The following CYP2W1 variants were observed in gnomAD, a reference collection of about 807,000 sequenced individuals.
CYP2W1 encodes cytochrome P450 family 2 subfamily W member 1.
In CYP2W1, 51 loss-of-function variants were observed where a neutral mutation model predicts 44.9. The observed-to-expected ratio is 1.14, with a 90% CI of 0.91 to 1.43. The LOEUF (loss-of-function observed/expected upper bound fraction) is 1.43, where lower values mean the gene tolerates loss of function less well. Among genes scored for constraint, CYP2W1 ranks in the 40% most tolerant of loss-of-function variants. CYP2W1 has a pLI of 0.00. For synonymous variants in CYP2W1, 383 were observed against 338.3 expected, an observed-to-expected ratio of 1.13 and a Z score of -1.45; for missense variants, 746 against 700.0, an observed-to-expected ratio of 1.07 and a Z score of -0.74.
rs764070881 is a variant in CYP2W1 at position 986,639 on chromosome 7, C to T, written c.661C>T (p.Pro221Ser). The part of the protein sequence containing the change: ...SPGLQLFNVY[P>S]WLGALLQLHR... Reference sequence around the variant, plus strand: ...TCCTGCCCAGCTGTTCAACGTCTACCCATGGCTCGGGGCCCTGCTCCAGCT... The same window carrying T: ...TCCTGCCCAGCTGTTCAACGTCTACTCATGGCTCGGGGCCCTGCTCCAGCT... The change falls in exon 5 of 9, where the codon CCA (proline) becomes TCA (serine). Residue 221 changes from proline (P) to serine (S), a missense_variant. Coordinates refer to ENST00000308919, the MANE Select transcript of CYP2W1 (RefSeq NM_017781.3). 12 of 1,612,720 alleles carry T rather than the reference C, an allele frequency of 7.4e-6. No homozygotes were observed. Among genetic ancestry groups the T allele is most frequent in the Non-Finnish European group, 1.0e-5 (12 of 1,179,888 alleles).
Position 987,170 on chromosome 7 carries a change from A to G in CYP2W1, c.883A>G (p.Met295Val). The G allele has an allele frequency of 6.4e-7, 1 of 1,570,402 alleles. No homozygotes were observed. Among genetic ancestry groups the G allele is most frequent in the Non-Finnish European group, 8.6e-7 (1 of 1,158,602 alleles). Residue 295 changes from methionine to valine, a missense_variant, in exon 6 of 9, where the codon ATG becomes GTG. Physicochemically the swap from Met to Val is conservative, Grantham distance 21. Coordinates refer to ENST00000308919, the MANE Select transcript of CYP2W1 (RefSeq NM_017781.3). ...NAVACTLDMV[M>V]AGTETTSATL... ...GGTGGCCTGCACCCTGGACATGGTC[A>G]TGGCCGGGACGGAGACGACCTCGGC... is the stretch of plus-strand genomic sequence containing the variant.
intron 7 of CYP2W1, among the ~76,000 whole-genome samples, chr7:987,857 CCT>C (rs1354017965): frequency 2.6e-5 from 4 of 151,490 alleles, no homozygotes; most frequent in Non-Finnish European, 5.9e-5. Context: ...GGGGGGGTCC[CCT>C]CTGTGTGTCC....
Position 987,119 on chromosome 7 carries a change from G to T in CYP2W1, c.832G>T (p.Glu278Ter), listed in dbSNP as rs547288712. 1.3e-6 allele frequency: 2 copies of T among 1,561,046 alleles called. No homozygotes were observed. The highest frequency in any genetic ancestry group is 1.2e-5 in the South Asian group (1 of 84,960). Residue 278 changes from glutamate (E) to a stop codon, truncating the protein, a stop_gained, in exon 6 of 9, where the codon GAG becomes TAG. Transcript: ENST00000308919. LOFTEE classifies it high-confidence loss of function. The stretch of plus-strand genomic sequence containing the variant: ...CACGCCTCTGCAGGGGGATGACCCC[G>T]AGGGCCTGTTTGCTGAGGCCAACGC... ...LIQQGQGDDPEGLFAEANAVA... is the reference protein window; with the variant it reads ...LIQQGQGDDP
In CYP2W1 at chr7:988,983, C is replaced by T; in HGVS notation, c.*161C>T. 1 of 581,704 alleles carries T rather than the reference C, an allele frequency of 1.7e-6. No homozygotes were observed. The highest frequency in any genetic ancestry group is 3.0e-6 in the Non-Finnish European group (1 of 328,924). 36.0% of individuals were successfully genotyped at this position (581,704 alleles called of 1,614,324 possible). A position where few individuals can be genotyped will look rare whatever the true frequency, so the allele number is the denominator to read the frequency against. On this transcript the variant is annotated 3_prime_UTR_variant, in exon 9 of 9. Coordinates refer to ENST00000308919, the MANE Select transcript of CYP2W1 (RefSeq NM_017781.3). ...CAGGGTCAGCAACTGCTTCCGGTTA[C>T]ACCCAGGACTACCCCTGCCCGACCC... is the stretch of plus-strand genomic sequence containing the variant.
chr7:983,454 A>C lies in CYP2W1; in HGVS notation c.174+69A>C, dbSNP rs1260961281. ...CCGTGTCCTGGCCCCCCTCCTGGGG[A>C]AGCCCAGCCCGGTTTCCACTGCCTG... is the stretch of plus-strand genomic sequence containing the variant. On this transcript the variant is annotated intron_variant, in intron 1 of 8. Coordinates refer to ENST00000308919, the MANE Select transcript of CYP2W1 (RefSeq NM_017781.3). 26 of 1,350,508 alleles carry C rather than the reference A, an allele frequency of 1.9e-5. No individual in the cohort carries two copies. In the East Asian group the frequency reaches 4.1e-4, roughly 21 times the overall value. The allele number at this position is 1,350,508 out of a possible 1,614,324, so 83.7% of individuals were successfully genotyped here. A position where few individuals can be genotyped will look rare whatever the true frequency, so the allele number is the denominator to read the frequency against.
In CYP2W1 at chr7:987,535, G is replaced by A. The variant is rs566362502; in HGVS notation, c.1143+4G>A. 2.1e-4 allele frequency: 324 copies of A among 1,515,878 alleles called. No individual in the cohort carries two copies. Among genetic ancestry groups the A allele is most frequent in the Middle Eastern group, 2.0e-3 (11 of 5,616 alleles). The allele number at this position is 1,515,878 out of a possible 1,614,324, so 93.9% of individuals were successfully genotyped here. On this transcript the variant is annotated splice_donor_region_variant and intron_variant, in intron 7 of 8. Transcript: ENST00000308919. ...GGGCGGCTTCCTGCTCCCCAAGGTG[G>A]GGCTGGGCCTCCCTTGCCCCTTCCA...
In CYP2W1 at chr7:985,142, G is replaced by A. The variant is rs373490748; in HGVS notation, c.488-24G>A. The A allele has an allele frequency of 2.4e-5, 38 of 1,600,444 alleles. No individual in the cohort carries two copies. In the African/African-American group the frequency reaches 3.7e-4, roughly 16 times the overall value. Reference sequence around the variant, plus strand: ...GACGCCCCTCCCCGGGCCTGGACGTGCCTGAGGCCCGTCTCCCTCGCAGGC... The same window carrying A: ...GACGCCCCTCCCCGGGCCTGGACGTACCTGAGGCCCGTCTCCCTCGCAGGC... On this transcript the variant is annotated intron_variant, in intron 3 of 8. Transcript: ENST00000308919.
At position 988,813 on chromosome 7, in the gene CYP2W1, C is replaced by G. The variant is rs200051950; in HGVS notation, c.1464C>G (p.Pro488=). The G allele has an allele frequency of 2.5e-6, 4 of 1,571,706 alleles. No individual in the cohort carries two copies. The South Asian group carries it at 4.5e-5, about 18-fold the overall frequency. Residue 488 remains proline (P), a synonymous_variant, in exon 9 of 9, where the codon CCC becomes CCG. Transcript: ENST00000308919. ...RPRAQALCAV[P]RP ...GGGCCCAGGCCCTGTGTGCGGTGCC[C>G]AGGCCCTAGGAGCTCCCCCAGCCCC...
chr7:986,891 G>A, intron 5 of CYP2W1, 94 bp downstream of exon 5: 1 of 1,378,278 alleles, frequency 7.3e-7, no homozygotes. Context: ...TACCGGTCCT[G>A]CACCAAGCTC....
intron 4 of CYP2W1, 77 bp downstream of exon 4, chr7:985,400 A>G: frequency 4.1e-6 from 6 of 1,462,220 alleles, no homozygotes; most frequent in Non-Finnish European, 5.5e-6. Flanking sequence ...CGGGGGCCCC[A>G]GTGCTGTCCC....
rs1479874525 is a variant in CYP2W1 at position 984,820 on chromosome 7, G to A, written c.338-130G>A. ...GGGCCAGGGCCAGCCCAGGGGGACGGGAGTGGGGATGGGGGTGAGGGCCCA... is the reference window on the plus strand; with the variant it reads ...GGGCCAGGGCCAGCCCAGGGGGACGAGAGTGGGGATGGGGGTGAGGGCCCA... On this transcript the variant is annotated intron_variant, in intron 2 of 8. Coordinates refer to ENST00000308919, the MANE Select transcript of CYP2W1 (RefSeq NM_017781.3). 4 of 1,314,732 alleles carry A rather than the reference G, an allele frequency of 3.0e-6. No individual in the cohort carries two copies. The East Asian group carries it at 9.5e-5, about 31-fold the overall frequency. The allele number at this position is 1,314,732 out of a possible 1,614,324, so 81.4% of individuals were successfully genotyped here.
At chr7:984,373 G>A (rs757483321) in intron 1 of CYP2W1, 39 bp from the exon 2 acceptor site, 1 of 1,539,894 alleles carries the variant, frequency 6.5e-7, no homozygotes, top group Non-Finnish European at 8.7e-7. Context: ...GGGTCTTGTG[G>A]GTGAGGGCTG....
At position 987,108 on chromosome 7, in the gene CYP2W1, G is replaced by T. The variant is rs571210763; in HGVS notation, c.821G>T (p.Gly274Val). ...YVDALIQQGQ[G>V]DDPEGLFAEA... ...GAGCCCTGCCCCACGCCTCTGCAGG[G>T]GGATGACCCCGAGGGCCTGTTTGCT... Residue 274 changes from glycine to valine, a missense_variant and splice_region_variant, in exon 6 of 9, where the codon GGG becomes GTG. Physicochemically the swap from Gly to Val is moderately radical, Grantham distance 109. Coordinates refer to ENST00000308919, the MANE Select transcript of CYP2W1 (RefSeq NM_017781.3). 1 of 1,545,544 alleles carries T rather than the reference G, an allele frequency of 6.5e-7. No homozygotes were observed. Among genetic ancestry groups the T allele is most frequent in the East Asian group, 2.3e-5 (1 of 42,624 alleles).
At position 988,713 on chromosome 7, in the gene CYP2W1, G is replaced by A. The variant is rs373496772; in HGVS notation, c.1364G>A (p.Arg455His). The change falls in exon 9 of 9, where the codon CGC (arginine) becomes CAC (histidine). Residue 455 changes from arginine to histidine, a missense_variant. Physicochemically the swap from Arg to His is conservative, Grantham distance 29. Coordinates refer to ENST00000308919, the MANE Select transcript of CYP2W1 (RefSeq NM_017781.3). ...LLFAGLLQRY[R>H]LLPPPGVSPA... is the part of the protein sequence containing the mutation. ...TTTGCCGGCCTCCTGCAGAGGTACC[G>A]CCTGCTGCCCCCGCCTGGCGTCAGT... is the stretch of plus-strand genomic sequence containing the variant. The A allele has an allele frequency of 4.9e-5, 79 of 1,599,512 alleles. No homozygotes were observed. The highest frequency in any genetic ancestry group is 6.1e-5 in the Non-Finnish European group (72 of 1,179,592).
At chr7:987,975 C>T (rs1345148891) in intron 7 of CYP2W1, among the ~76,000 whole-genome samples, 3 of 140,640 alleles carry the variant, frequency 2.1e-5, no homozygotes, top group African/African-American at 8.3e-5. Flanking sequence ...CTCTGTGTGT[C>T]CTGGGGGGGT....
intron 7 of CYP2W1, among the ~76,000 whole-genome samples, chr7:987,853 G>A (rs769961266): frequency 6.7e-6 from 1 of 150,012 alleles, no homozygotes; most frequent in South Asian, 2.1e-4. Flanking sequence ...TCCTGGGGGG[G>A]TCCCCTCTGT....
intron 2 of CYP2W1, 73 bp downstream of exon 2, chr7:984,647 C>T: frequency 6.7e-7 from 1 of 1,498,874 alleles, no homozygotes; most frequent in Non-Finnish European, 8.9e-7. Flanking sequence ...GTGGGGGCTC[C>T]AGCAGCGGGA....
chr7:987,082 C>A, intron 5 of CYP2W1, 25 bp from the exon 6 acceptor site: 1 of 1,491,386 alleles, frequency 6.7e-7, no homozygotes, highest in Non-Finnish European at 8.9e-7. Context: ...GATCATCCCA[C>A]GAGCCCTGCC....
intron 4 of CYP2W1, 123 bp from the exon 5 acceptor site, chr7:986,501 G>C: frequency 8.6e-7 from 1 of 1,158,636 alleles, no homozygotes; most frequent in Non-Finnish European, 1.2e-6. Context: ...TTCTGTGGCC[G>C]CCTCCAGCAC....
Sources: gnomAD v4.1 joint callset for allele counts (sites outside exome capture counted in the v4.1 genomes callset) on GRCh38, gnomAD v4.1.1 for gene constraint, MANE v1.5 for transcripts, NCBI Gene and HGNC (gene_info 2026-07-23, HGNC 2026-07-21) for gene names.